PCDHA7: variants seen among roughly 807,000 people sequenced by gnomAD.
PCDHA7 encodes protocadherin alpha 7.
A neutral mutation model predicts 57.2 loss-of-function variants in PCDHA7; 37 were observed. The observed-to-expected ratio is 0.65, with a 90% CI of 0.50 to 0.85. PCDHA7 has a LOEUF of 0.85. PCDHA7 is among the 40% of genes least tolerant of loss of function. PCDHA7 has a pLI of 0.00. For synonymous variants in PCDHA7, 553 were observed against 558.8 expected (o/e 0.99, Z 0.15); for missense variants, 1,188 against 1,241.8 (o/e 0.96, Z 0.65).
intron 1 of PCDHA7, chr5:140,858,025 G>C (rs992119806): frequency 1.9e-6 from 3 of 1,596,952 alleles, no homozygotes; most frequent in Non-Finnish European, 2.6e-6. Context: ...CGTCGCTGAC[G>C]GCCACGGCCA....
At chr5:140,981,001 C>A (rs2096914160) in intron 2 of PCDHA7, among the ~76,000 whole-genome samples, 1 of 151,906 alleles carries the variant, frequency 6.6e-6, no homozygotes, top group Non-Finnish European at 1.5e-5. Flanking sequence ...CTAGTAGGAT[C>A]CAGGAACACT....
chr5:140,941,185 C>CT (rs782102770), intron 1 of PCDHA7, among the ~76,000 whole-genome samples: 18 of 102,242 alleles, frequency 1.8e-4, no homozygotes, highest in East Asian at 3.7e-4. Flanking sequence ...CATCCTGCTT[C>CT]TTTTTTTTTC....
At chr5:140,915,083 C>G (rs2076973100) in intron 1 of PCDHA7, among the ~76,000 whole-genome samples, 1 of 151,628 alleles carries the variant, frequency 6.6e-6, no homozygotes, top group African/African-American at 2.4e-5. Flanking sequence ...GTAGCTGGGA[C>G]TATGGGCACG....
chr5:140,849,985 G>A lies in PCDHA7; in HGVS notation c.2355+13247G>A, dbSNP rs2150461572. On this transcript the variant is annotated intron_variant, in intron 1 of 3. Coordinates refer to ENST00000525929, the MANE Select transcript of PCDHA7 (RefSeq NM_018910.3). ...CTGGTGTCCTACTCGCTGGTGGAGC[G>A]GCGGTTGGGCGAGCGCTCGCTGTCG... 42 of 1,597,276 alleles carry A rather than the reference G, an allele frequency of 2.6e-5. No homozygotes were observed. The East Asian group carries it at 9.4e-4, about 36-fold the overall frequency.
chr5:140,968,317 A>G (rs144335538), intron 1 of PCDHA7: 1 of 1,613,890 alleles, frequency 6.2e-7, no homozygotes, highest in African/African-American at 1.3e-5. Context: ...AAGGGCTGCC[A>G]GTCACCTCCT....
intron 1 of PCDHA7, among the ~76,000 whole-genome samples, chr5:140,952,427 C>T (rs2094744253): frequency 6.6e-6 from 1 of 152,162 alleles, no homozygotes; most frequent in African/African-American, 2.4e-5. Flanking sequence ...CAGATTCCTA[C>T]AGCACAGGCA....
chr5:140,899,982 AT>A (rs1290251020), intron 1 of PCDHA7, among the ~76,000 whole-genome samples: 2 of 150,600 alleles, frequency 1.3e-5, no homozygotes, highest in African/African-American at 4.9e-5. Flanking sequence ...TACTTTTTTG[AT>A]TTTTTTTGTA....
chr5:140,949,040 A>G (rs1419524123), intron 1 of PCDHA7, among the ~76,000 whole-genome samples: 1 of 151,758 alleles, frequency 6.6e-6, no homozygotes, highest in Non-Finnish European at 1.5e-5. Flanking sequence ...ATTTAAAAGT[A>G]TGTTCTAATT....
intron 1 of PCDHA7, among the ~76,000 whole-genome samples, chr5:140,911,001 C>T (rs543025308): frequency 1.3e-5 from 2 of 152,220 alleles, no homozygotes; most frequent in African/African-American, 4.8e-5. Context: ...CCCCTAGGGC[C>T]CTCCTGGGAC....
chr5:140,911,036 G>A (rs2075296113), intron 1 of PCDHA7, among the ~76,000 whole-genome samples: 1 of 152,104 alleles, frequency 6.6e-6, no homozygotes, highest in African/African-American at 2.4e-5. Flanking sequence ...AGGTCTAGAA[G>A]CAAACAGGGG....
intron 2 of PCDHA7, among the ~76,000 whole-genome samples, chr5:140,981,839 A>T (rs950232298): frequency 6.6e-6 from 1 of 152,116 alleles, no homozygotes; most frequent in Non-Finnish European, 1.5e-5. Flanking sequence ...AAGGTCTCCC[A>T]GTTTGTATCT....
At chr5:140,870,333 C>A in intron 1 of PCDHA7, 1 of 1,614,164 alleles carries the variant, frequency 6.2e-7, no homozygotes, top group Non-Finnish European at 8.5e-7. Flanking sequence ...TGCTGGACAG[C>A]GCCCTGGACC....
chr5:140,967,057 AGC>A, intron 1 of PCDHA7: 1 of 1,612,704 alleles, frequency 6.2e-7, no homozygotes, highest in Non-Finnish European at 8.5e-7. Context: ...TGACGAGTGG[AGC>A]GCTCTTCGTC....
At chr5:140,926,471 T>G in intron 1 of PCDHA7, 1 of 162,332 alleles carries the variant, frequency 6.2e-6, no homozygotes, top group Non-Finnish European at 1.3e-5. Context: ...GAAAACACCG[T>G]TTAAGGAGAG....
intron 1 of PCDHA7, chr5:140,851,152 C>G (rs1379835863): frequency 1.5e-6 from 2 of 1,304,948 alleles, no homozygotes; most frequent in African/African-American, 3.1e-5. Flanking sequence ...CATTGAATTT[C>G]TGATGCTATG....
chr5:140,834,296 A>T lies in PCDHA7; in HGVS notation c.-88A>T. The T allele has an allele frequency of 1.6e-6, 2 of 1,241,708 alleles. No homozygotes were observed. The highest frequency in any genetic ancestry group is 1.5e-5 in the South Asian group (1 of 68,886). 76.9% of individuals were successfully genotyped at this position (1,241,708 alleles called of 1,614,324 possible). On this transcript the variant is annotated 5_prime_UTR_variant, in exon 1 of 4. Transcript: ENST00000525929. ...TCTTTGGATGCACAACAATGGCCAC[A>T]CATCGAGATTGAAATGAAGGGATAA... is the stretch of plus-strand genomic sequence containing the variant.
intron 1 of PCDHA7, chr5:140,967,251 C>T: frequency 6.2e-7 from 1 of 1,613,408 alleles, no homozygotes; most frequent in Non-Finnish European, 8.5e-7. Context: ...GAATCGGTGG[C>T]GCCTGGAGCG....
chr5:140,925,395 G>A (rs1451043717), intron 1 of PCDHA7, among the ~76,000 whole-genome samples: 1 of 151,998 alleles, frequency 6.6e-6, no homozygotes, highest in African/African-American at 2.4e-5. Context: ...CTTTTGGCTC[G>A]CCTCCTTCTT....
chr5:141,002,374 C>T (rs1228476890), intron 3 of PCDHA7, among the ~76,000 whole-genome samples: 1 of 152,220 alleles, frequency 6.6e-6, no homozygotes, highest in Non-Finnish European at 1.5e-5. Context: ...CTCATTCTGG[C>T]TTAGGGCTCC....
Sources: gnomAD v4.1 joint callset for allele counts (sites outside exome capture counted in the v4.1 genomes callset) on GRCh38, gnomAD v4.1.1 for gene constraint, MANE v1.5 for transcripts, NCBI Gene and HGNC (gene_info 2026-07-23, HGNC 2026-07-21) for gene names.